HNF4A: variants seen among roughly 807,000 people sequenced by gnomAD.
The protein encoded by HNF4A is hepatocyte nuclear factor 4 alpha, also known as hepatocyte nuclear factor 4-alpha.
A neutral mutation model predicts 52.4 loss-of-function variants in HNF4A; 15 were observed. The ratio of observed to expected loss-of-function variants is 0.29; its 90% CI spans 0.19 to 0.44. The LOEUF (loss-of-function observed/expected upper bound fraction) is 0.44. Among genes scored for constraint, HNF4A ranks in the 20% least tolerant of loss-of-function variants. The pLI, the probability that HNF4A is intolerant of heterozygous loss-of-function variation, is 1.00. For missense variants in HNF4A, 479 were observed against 647.2 expected (o/e 0.74, Z 2.82); for synonymous variants, 280 against 264.4 (o/e 1.06, Z -0.57).
chr20:44,387,424 T>C (rs1750484292), intron 1 of HNF4A, among the ~76,000 whole-genome samples: 1 of 148,582 alleles, frequency 6.7e-6, no homozygotes, highest in Non-Finnish European at 1.5e-5. Context: ...GCAAGTGGAA[T>C]GAAATGAGGT....
intron 4 of HNF4A, 73 bp from the exon 5 acceptor site, chr20:44,414,434 G>T (rs889245910): frequency 6.3e-7 from 1 of 1,598,094 alleles, no homozygotes; most frequent in South Asian, 1.1e-5. Flanking sequence ...CAGGGAGGGG[G>T]CTCTGTGCAG....
intron 1 of HNF4A, among the ~76,000 whole-genome samples, chr20:44,359,315 C>T (rs759494333): frequency 2.8e-4 from 42 of 152,312 alleles, no homozygotes; most frequent in South Asian, 8.3e-4. Context: ...AACTGGCTGT[C>T]CCAGCTTCAG....
At chr20:44,358,039 C>CT (rs2146138617) in intron 1 of HNF4A, among the ~76,000 whole-genome samples, 1 of 149,748 alleles carries the variant, frequency 6.7e-6, no homozygotes, top group South Asian at 2.2e-4. Context: ...GTATGTGTGC[C>CT]TATGTGTATG....
At chr20:44,386,017 G>A (rs560912564) in intron 1 of HNF4A, among the ~76,000 whole-genome samples, 2 of 138,290 alleles carry the variant, frequency 1.4e-5, no homozygotes, top group Admixed American at 7.0e-5. Context: ...GCACCATCAC[G>A]CCTGGCTAAT....
intron 1 of HNF4A, among the ~76,000 whole-genome samples, chr20:44,360,429 A>G (rs2062904548): frequency 1.3e-5 from 2 of 152,254 alleles, no homozygotes; most frequent in South Asian, 4.1e-4. Flanking sequence ...AGGATGATGC[A>G]TGGATGGGTA....
intron 1 of HNF4A, among the ~76,000 whole-genome samples, chr20:44,368,160 A>ATATATATATATATATTTTTT (rs1200638153): frequency 1.4e-4 from 4 of 27,780 alleles, no homozygotes; most frequent in Non-Finnish European, 1.8e-4. Context: ...ATATATATAT[A>ATATATATATATATATTTTTT]TTTTTTTTTT....
chr20:44,424,575 G>C, intron 8 of HNF4A: 1 of 1,343,604 alleles, frequency 7.4e-7, no homozygotes, highest in East Asian at 2.5e-5. Flanking sequence ...GTATATGCCC[G>C]TATGTGCGTG....
chr20:44,388,476 C>T (rs76465483), intron 1 of HNF4A, among the ~76,000 whole-genome samples: 3,099 of 149,318 alleles, frequency 0.021, 84 homozygotes, highest in South Asian at 0.085. Context: ...TAAAATCTTA[C>T]GTTCTGATTG....
intron 1 of HNF4A, among the ~76,000 whole-genome samples, chr20:44,381,391 C>T (rs1443330226): frequency 6.6e-6 from 1 of 150,792 alleles, no homozygotes; most frequent in Non-Finnish European, 1.5e-5. Context: ...AATGATTCTC[C>T]TGTCTCACTC....
intron 3 of HNF4A, among the ~76,000 whole-genome samples, chr20:44,410,193 G>A (rs1232905722): frequency 6.6e-6 from 1 of 152,210 alleles, no homozygotes; most frequent in African/African-American, 2.4e-5. Flanking sequence ...CCTGGAAGGG[G>A]GATGAGAGCC....
chr20:44,423,950 G>C, intron 7 of HNF4A, 68 bp from the exon 8 acceptor site: 4 of 1,490,236 alleles, frequency 2.7e-6, no homozygotes, highest in Non-Finnish European at 2.8e-6. Context: ...GGGACATCTG[G>C]GTCTTGACTC....
At position 44,394,943 on chromosome 20, in the gene HNF4A, C is replaced by G. The variant is rs112044525; in HGVS notation, c.50-11115C>G. 9.9e-3 allele frequency among the ~76,000 whole-genome samples: 1,509 copies of G among 152,320 alleles called. 19 individuals carry two copies. The highest frequency in any genetic ancestry group is 0.035 in the African/African-American group (1,447 of 41,560). ...GAGGAAGGAGGCCCAGGGATGGGGC[C>G]CAGTTATCAGTTAACCACATGAATG... On this transcript the variant is annotated intron_variant, in intron 1 of 9. Coordinates refer to the HNF4A transcript ENST00000316673.
chr20:44,427,581 G>A (rs979815595), intron 8 of HNF4A, among the ~76,000 whole-genome samples: 1 of 152,120 alleles, frequency 6.6e-6, no homozygotes, highest in African/African-American at 2.4e-5. Context: ...ATCCCATGTG[G>A]TATTTTTACT....
At chr20:44,418,845 G>A (rs1376811583) in intron 6 of HNF4A, among the ~76,000 whole-genome samples, 1 of 152,072 alleles carries the variant, frequency 6.6e-6, no homozygotes, top group African/African-American at 2.4e-5. Flanking sequence ...ATGTGATCTC[G>A]GCTCACTTCA....
At chr20:44,432,993 A>G (rs1352703693), downstream of HNF4A, 3 of 152,114 alleles carry the variant, frequency 2.0e-5, no homozygotes, top group Non-Finnish European at 4.4e-5. Context: ...TGTGTCCATT[A>G]TAATTTTTCA....
At chr20:44,358,455 C>T (rs2062882469) in intron 1 of HNF4A, among the ~76,000 whole-genome samples, 1 of 151,882 alleles carries the variant, frequency 6.6e-6, no homozygotes, top group South Asian at 2.1e-4. Flanking sequence ...ACTAAAAATA[C>T]AAAAACTAGC....
chr20:44,407,566 G>A (rs1047808092), intron 3 of HNF4A, 91 bp downstream of exon 3: 2 of 905,972 alleles, frequency 2.2e-6, no homozygotes, highest in African/African-American at 3.3e-5. Flanking sequence ...CACACTTTAT[G>A]ACTCAGTGGC....
chr20:44,401,366 A>G lies in HNF4A; in HGVS notation c.-7A>G, dbSNP rs758542858. 1 of 1,614,066 alleles carries G rather than the reference A, an allele frequency of 6.2e-7. No individual in the cohort carries two copies. Among genetic ancestry groups the G allele is most frequent in the South Asian group, 1.1e-5 (1 of 91,068 alleles). On this transcript the variant is annotated 5_prime_UTR_variant, in exon 1 of 10. Coordinates refer to ENST00000316099, the MANE Select transcript of HNF4A (RefSeq NM_000457.6). The stretch of plus-strand genomic sequence containing the variant: ...GGGCAGGTGGCCGCGGCGTGGAGGC[A>G]GGGAGAATGCGACTCTCCAAAACCC...
intron 5 of HNF4A, among the ~76,000 whole-genome samples, chr20:44,416,922 C>A (rs1356024351): frequency 6.6e-6 from 1 of 152,082 alleles, no homozygotes; most frequent in Non-Finnish European, 1.5e-5. Context: ...TTCCTCCCAC[C>A]TTTTCTCCTT....
Sources: gnomAD v4.1 joint callset for allele counts (sites outside exome capture counted in the v4.1 genomes callset) on GRCh38, gnomAD v4.1.1 for gene constraint, MANE v1.5 for transcripts, NCBI Gene and HGNC (gene_info 2026-07-23, HGNC 2026-07-21) for gene names.